DHRS3: variants seen among roughly 807,000 people sequenced by gnomAD.
DHRS3 encodes the protein dehydrogenase/reductase 3.
Under a neutral mutation model 27.2 loss-of-function variants are expected in DHRS3, and 14 were observed. The observed-to-expected ratio is 0.52, with a 90% CI of 0.34 to 0.81. The LOEUF is 0.81. Ranked by LOEUF, DHRS3 falls within the 30% of genes least tolerant of loss-of-function variation. The probability of loss-of-function intolerance (pLI) is 0.01; values close to 1 mark genes in which losing one functional copy is unlikely to be tolerated. For missense variants in DHRS3, 322 were observed against 406.2 expected, an observed-to-expected ratio of 0.79 and a Z score of 1.78; for synonymous variants, 165 against 175.9, an observed-to-expected ratio of 0.94 and a Z score of 0.49.
In DHRS3 at chr1:12,591,338, G is replaced by A. The variant is rs536703148; in HGVS notation, c.196-10672C>T. Among the ~76,000 whole-genome samples, 25 of 152,196 alleles carry A rather than the reference G, an allele frequency of 1.6e-4. No individual in the cohort carries two copies. Among genetic ancestry groups the A allele is most frequent in the Non-Finnish European group, 2.5e-4 (17 of 68,030 alleles). ...TGAAGCCTAGGCAGGTCTCTCCCAC[G>A]TAGCCCTGCAAAACAGGCTTTCCCT... On this transcript the variant is annotated intron_variant, in intron 1 of 5. Coordinates refer to ENST00000616661, the MANE Select transcript of DHRS3 (RefSeq NM_004753.7). The surrounding 1 kb of genome is among the most constrained non-coding windows in gnomAD (Gnocchi z 4.1).
intron 1 of DHRS3, among the ~76,000 whole-genome samples, chr1:12,584,300 G>A (rs894420863): frequency 6.6e-6 from 1 of 152,168 alleles, no homozygotes; most frequent in African/African-American, 2.4e-5. Context: ...AAGTGGAGCA[G>A]GGCTGAGGGA....
At chr1:12,604,777 G>A (rs182603553) in intron 1 of DHRS3, among the ~76,000 whole-genome samples, 1 of 152,368 alleles carries the variant, frequency 6.6e-6, no homozygotes, top group African/African-American at 2.4e-5. Context: ...CTGGCCGGGT[G>A]CGGTGGCTCA....
chr1:12,576,422 C>T (rs1033131565), intron 4 of DHRS3, among the ~76,000 whole-genome samples: 6 of 152,030 alleles, frequency 3.9e-5, no homozygotes, highest in Non-Finnish European at 8.8e-5. Flanking sequence ...ATTAGCTGGG[C>T]GTGGTGGTGG....
In DHRS3 at chr1:12,578,969, G is replaced by A. The variant is rs895216442; in HGVS notation, c.460-13C>T. 3 of 1,604,668 alleles carry A rather than the reference G, an allele frequency of 1.9e-6. No homozygotes were observed. The highest frequency in any genetic ancestry group is 1.7e-6 in the Non-Finnish European group (2 of 1,175,016). ...AGGCCTTGGTGGTCTGAGGGCAGAT[G>A]GGGTGTCAGGGTGGAGCAGCTGCAG... On this transcript the variant is annotated splice_polypyrimidine_tract_variant and intron_variant, in intron 3 of 5. Coordinates refer to ENST00000616661, the MANE Select transcript of DHRS3 (RefSeq NM_004753.7). The surrounding 1 kb of genome is among the most constrained non-coding windows in gnomAD (Gnocchi z 4.5).
At chr1:12,580,697 A>G (rs373847559) in intron 1 of DHRS3, 31 bp from the exon 2 acceptor site, 27 of 1,594,100 alleles carry the variant, frequency 1.7e-5, no homozygotes, top group East Asian at 9.0e-5. Flanking sequence ...CGCAGAACAA[A>G]TGGTCATTAA....
chr1:12,575,374 A>G (rs1011113332), intron 4 of DHRS3, among the ~76,000 whole-genome samples: 1 of 152,112 alleles, frequency 6.6e-6, no homozygotes, highest in Non-Finnish European at 1.5e-5. Context: ...TTTATAAACA[A>G]TAACATCCAC....
chr1:12,591,148 A>T lies in DHRS3; in HGVS notation c.196-10482T>A, dbSNP rs1557523757. Among the ~76,000 whole-genome samples, 1 of 152,220 alleles carries T rather than the reference A, an allele frequency of 6.6e-6. No homozygotes were observed. Among genetic ancestry groups the T allele is most frequent in the African/African-American group, 2.4e-5 (1 of 41,472 alleles). On this transcript the variant is annotated intron_variant, in intron 1 of 5. Coordinates refer to ENST00000616661, the MANE Select transcript of DHRS3 (RefSeq NM_004753.7). The surrounding 1 kb of genome is among the most constrained non-coding windows in gnomAD (Gnocchi z 4.1). Reference sequence around the variant, plus strand: ...AAGGGGGATCTATATCTGTTGCTGTACTAATAAAAATAGTAACAGCTAGCA... The same window carrying T: ...AAGGGGGATCTATATCTGTTGCTGTTCTAATAAAAATAGTAACAGCTAGCA...
At chr1:12,604,184 C>T (rs574740116) in intron 1 of DHRS3, among the ~76,000 whole-genome samples, 2 of 152,292 alleles carry the variant, frequency 1.3e-5, no homozygotes, top group South Asian at 2.1e-4. Flanking sequence ...CCACCTCCTT[C>T]GAGAAGTCTT....
intron 1 of DHRS3, among the ~76,000 whole-genome samples, chr1:12,615,940 G>A (rs1646941355): frequency 6.6e-6 from 1 of 152,172 alleles, no homozygotes; most frequent in Admixed American, 6.5e-5. Flanking sequence ...CTGCTAGCTT[G>A]GCCACCACAG....
rs1396416862 is a variant in DHRS3 at position 12,617,425 on chromosome 1, A to C, written c.-77T>G. 2.0e-6 allele frequency: 3 copies of C among 1,474,226 alleles called. No individual in the cohort carries two copies. In the African/African-American group the frequency reaches 4.3e-5, roughly 21 times the overall value. The allele number at this position is 1,474,226 out of a possible 1,614,324, so 91.3% of individuals were successfully genotyped here. A position where few individuals can be genotyped will look rare whatever the true frequency, so the allele number is the denominator to read the frequency against. On this transcript the variant is annotated 5_prime_UTR_variant, in exon 1 of 6. It adds an upstream start codon to the 5' untranslated region. Coordinates refer to ENST00000616661, the MANE Select transcript of DHRS3 (RefSeq NM_004753.7). ...ACAGGAATTAAAAAACACCCCGAAC[A>C]ATAAATAGTAAACCGAATAAGGAGG...
chr1:12,592,297 G>A lies in DHRS3; in HGVS notation c.196-11631C>T, dbSNP rs1016558526. 3.9e-5 allele frequency among the ~76,000 whole-genome samples: 6 copies of A among 152,198 alleles called. No homozygotes were observed. The highest frequency in any genetic ancestry group is 1.3e-4 in the Admixed American group (2 of 15,284). ...GTCCAAGTCCTAACCCTTGGTACCT[G>A]TGAATGTGACCTTATGCTGAAAGAG... On this transcript the variant is annotated intron_variant, in intron 1 of 5. Transcript: ENST00000616661. The surrounding 1 kb of genome is among the most constrained non-coding windows in gnomAD (Gnocchi z 4.2).
intron 4 of DHRS3, among the ~76,000 whole-genome samples, chr1:12,573,329 C>T (rs1359986666): frequency 6.6e-6 from 1 of 152,212 alleles, no homozygotes; most frequent in African/African-American, 2.4e-5. Flanking sequence ...CAGGCCAGTC[C>T]ATCCAAAGCG....
In DHRS3 at chr1:12,592,118, C is replaced by T. The variant is rs56010128; in HGVS notation, c.196-11452G>A. On this transcript the variant is annotated intron_variant, in intron 1 of 5. Transcript: ENST00000616661. This position sits in a 1 kb window ranked among gnomAD's most constrained non-coding sequence, Gnocchi z 4.2. ...GGAGCACCCTTGCTCTCCAAGTGGGCGGGGTGGGACTGTGACAAGCACTCA... is the reference window on the plus strand; with the variant it reads ...GGAGCACCCTTGCTCTCCAAGTGGGTGGGGTGGGACTGTGACAAGCACTCA... Among the ~76,000 whole-genome samples, 19,445 of 151,996 alleles carry T rather than the reference C, an allele frequency of 0.13. 1,583 individuals carry two copies. The highest frequency in any genetic ancestry group is 0.18 in the Non-Finnish European group (11,999 of 67,932).
intron 1 of DHRS3, among the ~76,000 whole-genome samples, chr1:12,590,621 T>C (rs980366090): frequency 6.6e-6 from 1 of 152,132 alleles, no homozygotes; most frequent in Admixed American, 6.5e-5. Flanking sequence ...AGAATAGTCA[T>C]TTCTACAAAG....
rs182935655 is a variant in DHRS3 at position 12,579,022 on chromosome 1, G to A, written c.460-66C>T. 9.0e-5 allele frequency: 131 copies of A among 1,453,888 alleles called. No homozygotes were observed. The East Asian group carries it at 2.3e-3, about 26-fold the overall frequency. The allele number at this position is 1,453,888 out of a possible 1,614,324, so 90.1% of individuals were successfully genotyped here. ...CTGACAACCCCTCCACCTTTCTTTC[G>A]GGGAGAACAGCCCACCCCGGACACA... is the stretch of plus-strand genomic sequence containing the variant. On this transcript the variant is annotated intron_variant, in intron 3 of 5. Transcript: ENST00000616661.
chr1:12,585,156 T>C (rs1460848740), intron 1 of DHRS3, among the ~76,000 whole-genome samples: 1 of 151,682 alleles, frequency 6.6e-6, no homozygotes, highest in East Asian at 1.9e-4. Context: ...TCAGTGTGTC[T>C]CTGTGTGTCT....
rs1646569417 is a variant in DHRS3 at position 12,574,617 on chromosome 1, T to C, written c.699-1764A>G. ...GTCTGGATTCTCTGGCTTCCACCTG[T>C]GGCCTGGCCTGTCTCTTGGGAAAGG... On this transcript the variant is annotated intron_variant, in intron 4 of 5. Coordinates refer to ENST00000616661, the MANE Select transcript of DHRS3 (RefSeq NM_004753.7). The surrounding 1 kb of genome is among the most constrained non-coding windows in gnomAD (Gnocchi z 4.6). Among the ~76,000 whole-genome samples, 1 of 152,188 alleles carries C rather than the reference T, an allele frequency of 6.6e-6. No homozygotes were observed. Among genetic ancestry groups the C allele is most frequent in the Admixed American group, 6.5e-5 (1 of 15,284 alleles).
intron 1 of DHRS3, among the ~76,000 whole-genome samples, chr1:12,583,799 C>T (rs900910215): frequency 1.3e-5 from 2 of 151,968 alleles, no homozygotes; most frequent in Admixed American, 6.6e-5. Flanking sequence ...TCCATCCCCC[C>T]ACCCATCCCT....
rs139900342 is a variant in DHRS3, at chr1:12,591,549, C to T, written c.196-10883G>A. Among the ~76,000 whole-genome samples, 1,030 of 152,384 alleles carry T rather than the reference C, an allele frequency of 6.8e-3. 5 individuals carry two copies. Among genetic ancestry groups the T allele is most frequent in the Non-Finnish European group, 0.012 (787 of 68,038 alleles). ...AGGCGGACGTCCAGCCTGGAACTGG[C>T]CCGCTTGGGAGGCACAGGAATGACA... On this transcript the variant is annotated intron_variant, in intron 1 of 5. Coordinates refer to ENST00000616661, the MANE Select transcript of DHRS3 (RefSeq NM_004753.7). This position sits in a 1 kb window ranked among gnomAD's most constrained non-coding sequence, Gnocchi z 4.1.
Sources: gnomAD v4.1 joint callset for allele counts (sites outside exome capture counted in the v4.1 genomes callset) on GRCh38, gnomAD v4.1.1 for gene constraint, Gnocchi (gnomAD v3.1) non-coding constraint, MANE v1.5 for transcripts, NCBI Gene and HGNC (gene_info 2026-07-23, HGNC 2026-07-21) for gene names.